Variants in VPS8 observed in about 807,000 individuals in gnomAD.
The protein encoded by VPS8 is vacuolar protein sorting-associated protein 8 homolog.
VPS8 carries 129 observed loss-of-function variants against 216.4 expected under a neutral mutation model. The ratio of observed to expected loss-of-function variants is 0.60; its 90% confidence interval spans 0.52 to 0.69. VPS8 has a LOEUF of 0.69. Among genes scored for constraint, VPS8 ranks in the 30% least tolerant of loss-of-function variants. VPS8 has a pLI of 0.00. For missense variants in VPS8, 1,531 were observed against 1,683.5 expected (o/e 0.91, Z 1.59); for synonymous variants, 571 against 565.4 (o/e 1.01, Z -0.14).
chr3:185,035,385 C>A (rs1323269159), intron 46 of VPS8, among the ~76,000 whole-genome samples: 3 of 152,094 alleles, frequency 2.0e-5, no homozygotes, highest in Non-Finnish European at 4.4e-5. Context: ...CCGAATCCAC[C>A]AGTACATCAA....
intron 13 of VPS8, 108 bp from the exon 14 acceptor site, chr3:184,855,603 A>G: frequency 2.2e-6 from 2 of 913,716 alleles, no homozygotes; most frequent in East Asian, 5.1e-5. Context: ...AAATTGGGGA[A>G]AGTTTTTATC....
At chr3:184,897,245 G>A (rs576745015) in intron 23 of VPS8, among the ~76,000 whole-genome samples, 1 of 152,280 alleles carries the variant, frequency 6.6e-6, no homozygotes, top group African/African-American at 2.4e-5. Flanking sequence ...GCCAGAGATG[G>A]TAACAGTGAG....
At chr3:185,030,659 T>G (rs1757991317) in intron 46 of VPS8, among the ~76,000 whole-genome samples, 1 of 152,246 alleles carries the variant, frequency 6.6e-6, no homozygotes, top group Non-Finnish European at 1.5e-5. Flanking sequence ...TCAGCACATT[T>G]ACATGTTAAT....
chr3:184,815,837 GAATA>G (rs1394776565), intron 1 of VPS8: 1 of 130,812 alleles, frequency 7.6e-6, no homozygotes, highest in Non-Finnish European at 1.7e-5. Flanking sequence ...AAAAAAAAAA[GAATA>G]AATCTCTCAT....
rs377530654 is a variant in VPS8, at chr3:184,913,604, A to G, written c.2189+43A>G. ...ATTCATCTGCATGTATGTTCTTTCT[A>G]TATTTTTCCTATATTTTTAGAGATA... On this transcript the variant is annotated intron_variant, in intron 26 of 47. Transcript: ENST00000625842. 7 of 1,470,884 alleles carry G rather than the reference A, an allele frequency of 4.8e-6. No individual in the cohort carries two copies. The South Asian group carries it at 6.3e-5, about 13-fold the overall frequency. 91.1% of individuals were successfully genotyped at this position (1,470,884 alleles called of 1,614,324 possible). A position where few individuals can be genotyped will look rare whatever the true frequency, so the allele number is the denominator to read the frequency against.
rs1436785893 is a variant in VPS8 at position 184,892,010 on chromosome 3, G to A, written c.1782-2693G>A. Among the ~76,000 whole-genome samples, 3 of 152,082 alleles carry A rather than the reference G, an allele frequency of 2.0e-5. No individual in the cohort carries two copies. In the South Asian group the frequency reaches 6.2e-4, roughly 31 times the overall value. On this transcript the variant is annotated intron_variant, in intron 22 of 47. Coordinates refer to ENST00000625842, the MANE Select transcript of VPS8 (RefSeq NM_001009921.3). ...AACTTCAAAAATACCTTTAATGTGA[G>A]TACTGTTATAAAGTGAAGTTTGTAG...
chr3:184,894,696 G>T lies in VPS8; in HGVS notation c.1782-7G>T. The T allele has an allele frequency of 6.3e-7, 1 of 1,582,880 alleles. No homozygotes were observed. Among genetic ancestry groups the T allele is most frequent in the Non-Finnish European group, 8.6e-7 (1 of 1,162,988 alleles). ...TAAAAGTTTTTCTCCCCCCCTTTCT[G>T]TTACAGGGATCTTTTATTTAGTCAG... On this transcript the variant is annotated splice_polypyrimidine_tract_variant and splice_region_variant and intron_variant, in intron 22 of 47. Coordinates refer to ENST00000625842, the MANE Select transcript of VPS8 (RefSeq NM_001009921.3).
At chr3:184,871,204 A>AATATATAT (rs71272847) in intron 21 of VPS8, among the ~76,000 whole-genome samples, 2 of 149,336 alleles carry the variant, frequency 1.3e-5, no homozygotes, top group East Asian at 2.0e-4. Flanking sequence ...ATCAATCACA[A>AATATATAT]ATATATATAT....
intron 31 of VPS8, among the ~76,000 whole-genome samples, chr3:184,927,398 G>T (rs76848920): frequency 6.6e-6 from 1 of 152,056 alleles, no homozygotes; most frequent in Admixed American, 6.6e-5. Flanking sequence ...CCCTTTATCC[G>T]CACAGCTATG....
At chr3:184,920,246 ATAGT>A (rs1420762253) in intron 29 of VPS8, 48 bp downstream of exon 29, 2 of 1,268,832 alleles carry the variant, frequency 1.6e-6, no homozygotes, top group African/African-American at 1.5e-5. Flanking sequence ...TTATATTAAG[ATAGT>A]TGAGCTGTTT....
intron 10 of VPS8, among the ~76,000 whole-genome samples, chr3:184,850,467 C>A (rs932409613): frequency 9.9e-5 from 15 of 152,060 alleles, no homozygotes; most frequent in African/African-American, 3.6e-4. Context: ...AGGTTCAAGG[C>A]ACAGATCGTG....
At chr3:185,032,185 C>T (rs1298524919) in intron 46 of VPS8, among the ~76,000 whole-genome samples, 1 of 151,902 alleles carries the variant, frequency 6.6e-6, no homozygotes, top group African/African-American at 2.4e-5. Context: ...AAACAAGTTG[C>T]ATGTTCACTG....
At chr3:185,014,722 G>A (rs1333918409) in intron 45 of VPS8, among the ~76,000 whole-genome samples, 1 of 152,102 alleles carries the variant, frequency 6.6e-6, no homozygotes, top group Non-Finnish European at 1.5e-5. Flanking sequence ...TGTAACTGCT[G>A]TTTTAGGGAG....
intron 45 of VPS8, among the ~76,000 whole-genome samples, chr3:185,016,937 A>G (rs58039326): frequency 0.042 from 6,373 of 152,056 alleles, 236 homozygotes; most frequent in East Asian, 0.1. Context: ...ACCATCAGAA[A>G]TGATATCCTA....
At chr3:184,984,528 G>A (rs1001471583) in intron 42 of VPS8, among the ~76,000 whole-genome samples, 15 of 151,802 alleles carry the variant, frequency 9.9e-5, no homozygotes, top group Admixed American at 9.2e-4. Flanking sequence ...CCTGACCTCA[G>A]GTGATCCGCC....
intron 36 of VPS8, among the ~76,000 whole-genome samples, chr3:184,951,164 C>T (rs1744634137): frequency 6.6e-6 from 1 of 152,112 alleles, no homozygotes; most frequent in African/African-American, 2.4e-5. Context: ...AATGGCTGAA[C>T]TAATTTACAG....
intron 3 of VPS8, among the ~76,000 whole-genome samples, chr3:184,831,420 G>C (rs1262406703): frequency 6.6e-6 from 1 of 152,250 alleles, no homozygotes; most frequent in Non-Finnish European, 1.5e-5. Flanking sequence ...AGCTTGTAAT[G>C]AGTGGATCGA....
At chr3:184,954,996 A>G (rs1745334552) in intron 36 of VPS8, among the ~76,000 whole-genome samples, 1 of 152,186 alleles carries the variant, frequency 6.6e-6, no homozygotes, top group African/African-American at 2.4e-5. Flanking sequence ...CCTAGAAGGC[A>G]AGAGGTGAGC....
chr3:185,035,903 A>C (rs539508740), intron 46 of VPS8, among the ~76,000 whole-genome samples: 1 of 152,346 alleles, frequency 6.6e-6, no homozygotes, highest in African/African-American at 2.4e-5. Flanking sequence ...AAATGACTTT[A>C]ATACAGTTTC....
Sources: allele counts gnomAD v4.1 joint callset (sites outside exome capture counted in the v4.1 genomes callset), GRCh38; gene constraint gnomAD v4.1.1; transcripts MANE v1.5; gene names NCBI Gene and HGNC (gene_info 2026-07-23, HGNC 2026-07-21).